MACROD2: variants seen among roughly 807,000 people sequenced by gnomAD.
MACROD2 encodes mono-ADP ribosylhydrolase 2, also known as ADP-ribose glycohydrolase MACROD2.
A neutral mutation model predicts 70.4 loss-of-function variants in MACROD2; 36 were observed. The ratio of observed to expected loss-of-function variants is 0.51; its 90% CI spans 0.39 to 0.68. The LOEUF is 0.68. MACROD2 is among the 30% of genes least tolerant of loss of function. The pLI is 0.00. For synonymous variants in MACROD2, 172 were observed against 178.8 expected (o/e 0.96, Z 0.30); for missense variants, 496 against 538.4 (o/e 0.92, Z 0.78).
chr20:15,024,157 G>GTTT (rs2075211661), intron 5 of MACROD2, among the ~76,000 whole-genome samples: 1 of 152,130 alleles, frequency 6.6e-6, no homozygotes, highest in Admixed American at 6.6e-5. Context: ...CTGGTCCAAA[G>GTTT]AGCAGGAACT....
At chr20:15,832,158 A>G (rs1464572092) in intron 8 of MACROD2, among the ~76,000 whole-genome samples, 1 of 152,130 alleles carries the variant, frequency 6.6e-6, no homozygotes, top group African/African-American at 2.4e-5. Flanking sequence ...GCCAAATAAT[A>G]TGTTGCATTT....
At chr20:14,832,228 T>C (rs572304945) in intron 5 of MACROD2, among the ~76,000 whole-genome samples, 47 of 151,812 alleles carry the variant, frequency 3.1e-4, no homozygotes, top group African/African-American at 1.0e-3. Context: ...ATTTTTTTAG[T>C]TGAAACGGGG....
chr20:15,978,319 C>T (rs763053027), intron 13 of MACROD2, among the ~76,000 whole-genome samples: 5 of 152,224 alleles, frequency 3.3e-5, no homozygotes, highest in Non-Finnish European at 5.9e-5. Context: ...CTAGGCACTA[C>T]AGCAAGGTCG....
intron 7 of MACROD2, among the ~76,000 whole-genome samples, chr20:15,433,436 C>T (rs1196890162): frequency 8.0e-6 from 1 of 124,492 alleles, no homozygotes; most frequent in Non-Finnish European, 1.6e-5. Context: ...AAATCAGGAA[C>T]TCAATCCCTT....
chr20:14,823,119 T>G (rs1568816997), intron 5 of MACROD2, among the ~76,000 whole-genome samples: 1 of 152,136 alleles, frequency 6.6e-6, no homozygotes, highest in Non-Finnish European at 1.5e-5. Flanking sequence ...GTGTAATCTT[T>G]GAATATGCAA....
intron 5 of MACROD2, among the ~76,000 whole-genome samples, chr20:15,051,730 A>G (rs1045192629): frequency 6.6e-6 from 1 of 151,370 alleles, no homozygotes; most frequent in Non-Finnish European, 1.5e-5. Context: ...ATTGACACAT[A>G]CAACTAGCCA....
intron 5 of MACROD2, among the ~76,000 whole-genome samples, chr20:15,048,311 G>A (rs1037056782): frequency 1.4e-4 from 21 of 151,992 alleles, no homozygotes; most frequent in Non-Finnish European, 2.6e-4. Context: ...ACAAAGCTTC[G>A]TGGTTTGAAG....
In MACROD2 at chr20:15,088,141, A is replaced by T. The variant is rs2075762723; in HGVS notation, c.419-141799A>T. Among the ~76,000 whole-genome samples, 3 of 151,912 alleles carry T rather than the reference A, an allele frequency of 2.0e-5. 1 individual carries two copies. In the South Asian group the frequency reaches 6.2e-4, roughly 32 times the overall value. On this transcript the variant is annotated intron_variant, in intron 5 of 17. Transcript: ENST00000684519. ...AATAATGCCAGTGCTCATTTGCATAACACTCACACTTTGGAGAATTTATCC... is the reference window on the plus strand; with the variant it reads ...AATAATGCCAGTGCTCATTTGCATATCACTCACACTTTGGAGAATTTATCC...
intron 5 of MACROD2, among the ~76,000 whole-genome samples, chr20:14,771,765 TACAC>T (rs2072171485): frequency 7.2e-6 from 1 of 138,650 alleles, no homozygotes; most frequent in Non-Finnish European, 1.6e-5. Context: ...CACACACACA[TACAC>T]ATATGGTGTA....
intron 3 of MACROD2, among the ~76,000 whole-genome samples, chr20:14,401,925 GT>G (rs1354507155): frequency 6.6e-6 from 1 of 152,022 alleles, no homozygotes; most frequent in Non-Finnish European, 1.5e-5. Context: ...ACAAATTGAA[GT>G]GCCATCCACC....
At chr20:14,943,768 G>A (rs2074408631) in intron 5 of MACROD2, among the ~76,000 whole-genome samples, 1 of 152,030 alleles carries the variant, frequency 6.6e-6, no homozygotes, top group Admixed American at 6.6e-5. Context: ...TTTGTTTAAA[G>A]GTATCTACCA....
chr20:15,025,119 T>C (rs1412504079), intron 5 of MACROD2, among the ~76,000 whole-genome samples: 1 of 152,174 alleles, frequency 6.6e-6, no homozygotes, highest in Non-Finnish European at 1.5e-5. Context: ...TATAACTACA[T>C]GAAGACTATT....
chr20:14,438,832 T>G (rs1026848441), intron 3 of MACROD2, among the ~76,000 whole-genome samples: 6 of 152,208 alleles, frequency 3.9e-5, no homozygotes, highest in African/African-American at 1.2e-4. Context: ...GTTGCAGGGT[T>G]TACAGTTTTA....
At chr20:14,211,594 GC>G (rs2081571358) in intron 3 of MACROD2, among the ~76,000 whole-genome samples, 1 of 152,162 alleles carries the variant, frequency 6.6e-6, no homozygotes, top group African/African-American at 2.4e-5. Flanking sequence ...TTGTAAGTAT[GC>G]AGTCTGTGTT....
chr20:14,079,842 G>A (rs186783563), intron 2 of MACROD2, among the ~76,000 whole-genome samples: 2 of 152,250 alleles, frequency 1.3e-5, no homozygotes, highest in Admixed American at 1.3e-4. Context: ...ATTGGGCAGG[G>A]GTTCCCAATC....
intron 5 of MACROD2, among the ~76,000 whole-genome samples, chr20:15,228,536 G>T (rs1362982050): frequency 8.3e-6 from 1 of 120,012 alleles, no homozygotes; most frequent in East Asian, 2.5e-4. Flanking sequence ...TCACTAGGTT[G>T]TGAGGTGCAG....
intron 10 of MACROD2, among the ~76,000 whole-genome samples, chr20:15,932,069 G>T (rs1265081375): frequency 1.3e-5 from 2 of 152,154 alleles, no homozygotes; most frequent in Non-Finnish European, 2.9e-5. Flanking sequence ...AAAGGGCTCA[G>T]CTGGATGTCT....
chr20:15,792,315 C>T (rs1383342036), intron 8 of MACROD2, among the ~76,000 whole-genome samples: 1 of 152,020 alleles, frequency 6.6e-6, no homozygotes, highest in Non-Finnish European at 1.5e-5. Context: ...AGTGGAAAGT[C>T]TTTCCATGAA....
chr20:14,169,199 T>C (rs2148722963), intron 3 of MACROD2, among the ~76,000 whole-genome samples: 1 of 152,280 alleles, frequency 6.6e-6, no homozygotes, highest in East Asian at 1.9e-4. Flanking sequence ...AGAAGAGACA[T>C]ACATACCTTA....
Sources: allele counts gnomAD v4.1 joint callset (sites outside exome capture counted in the v4.1 genomes callset), GRCh38; gene constraint gnomAD v4.1.1; transcripts MANE v1.5; gene names NCBI Gene and HGNC (gene_info 2026-07-23, HGNC 2026-07-21).